Variants in MTCL2 observed in about 807,000 individuals in gnomAD.
MTCL2 encodes the protein microtubule cross-linking factor 2.
the MTCL2 span, chr20:36,863,379 T>C: frequency 8.7e-7 from 1 of 1,153,072 alleles, no homozygotes; most frequent in South Asian, 4.3e-5. This position sits in a 1 kb window ranked among gnomAD's most constrained non-coding sequence, Gnocchi z 6.2. Flanking sequence ...GCTGCGCGCA[T>C]GGCCCAGGCC....
chr20:36,787,743 G>T, the MTCL2 span, among the ~76,000 whole-genome samples: 1 of 150,802 alleles, frequency 6.6e-6, no homozygotes, highest in East Asian at 2.0e-4. Context: ...AAAATTAGCT[G>T]GGCATGGTGG....
the MTCL2 span, chr20:36,793,982 C>T: frequency 1.3e-6 from 2 of 1,551,540 alleles, no homozygotes; most frequent in African/African-American, 1.4e-5. The surrounding 1 kb of genome is among the most constrained non-coding windows in gnomAD (Gnocchi z 6.8). Flanking sequence ...GCTGGATGTG[C>T]TCTTCACTTT....
At chr20:36,815,193 G>A in the MTCL2 span, 2 of 1,613,856 alleles carry the variant, frequency 1.2e-6, no homozygotes. This position sits in a 1 kb window ranked among gnomAD's most constrained non-coding sequence, Gnocchi z 5.3. Flanking sequence ...GCCCAAGGGG[G>A]GCAGTGATGA....
the MTCL2 span, among the ~76,000 whole-genome samples, chr20:36,862,419 A>G: frequency 2.0e-5 from 3 of 151,342 alleles, no homozygotes; most frequent in African/African-American, 4.8e-5. Flanking sequence ...CCCCGCTCCC[A>G]GGTTAGGGCC....
chr20:36,808,538 G>T, the MTCL2 span: 7 of 1,603,858 alleles, frequency 4.4e-6, no homozygotes, highest in Admixed American at 6.9e-5. Context: ...CCCTTCGCTG[G>T]GCAAAACCTT....
the MTCL2 span, among the ~76,000 whole-genome samples, chr20:36,789,451 T>C: frequency 0.062 from 9,416 of 152,092 alleles, 1,013 homozygotes; most frequent in African/African-American, 0.21. Context: ...CACTTGAGAT[T>C]AGCAGTTCGA....
chr20:36,788,186 G>A, the MTCL2 span, among the ~76,000 whole-genome samples: 1 of 141,864 alleles, frequency 7.0e-6, no homozygotes, highest in Non-Finnish European at 1.5e-5. Context: ...GGGGGACAGA[G>A]TGAGACTCCA....
the MTCL2 span, chr20:36,839,448 A>G: frequency 1.5e-4 from 241 of 1,611,686 alleles, no homozygotes; most frequent in Middle Eastern, 6.6e-4. The surrounding 1 kb of genome is among the most constrained non-coding windows in gnomAD (Gnocchi z 5.1). Flanking sequence ...CGTCCTGCGG[A>G]GGGAAGGAAG....
At chr20:36,796,224 G>A in the MTCL2 span, among the ~76,000 whole-genome samples, 1 of 152,216 alleles carries the variant, frequency 6.6e-6, no homozygotes, top group Non-Finnish European at 1.5e-5. Flanking sequence ...AGACCACTCT[G>A]ATTAACTTCA....
At chr20:36,833,843 CTA>C in the MTCL2 span, among the ~76,000 whole-genome samples, 1 of 150,484 alleles carries the variant, frequency 6.6e-6, no homozygotes, top group Non-Finnish European at 1.5e-5. Flanking sequence ...CAAAGAGAGA[CTA>C]TGTTTCAAGA....
At chr20:36,848,853 T>C in the MTCL2 span, among the ~76,000 whole-genome samples, 4 of 152,088 alleles carry the variant, frequency 2.6e-5, no homozygotes, top group African/African-American at 9.7e-5. Flanking sequence ...GTAATATCTG[T>C]GACTTTGCCA....
the MTCL2 span, chr20:36,862,814 GT>G: frequency 7.3e-7 from 1 of 1,369,886 alleles, no homozygotes; most frequent in Non-Finnish European, 9.4e-7. Flanking sequence ...CCGACGGCTC[GT>G]CCGGGGAGGC....
chr20:36,815,621 G>T, the MTCL2 span: 3 of 1,601,190 alleles, frequency 1.9e-6, no homozygotes, highest in Non-Finnish European at 2.6e-6. The surrounding 1 kb of genome is among the most constrained non-coding windows in gnomAD (Gnocchi z 5.3). Context: ...TCTGGCAGGA[G>T]GCGAGGTCAC....
chr20:36,850,356 G>A, the MTCL2 span, among the ~76,000 whole-genome samples: 3 of 151,992 alleles, frequency 2.0e-5, no homozygotes, highest in Admixed American at 6.6e-5. Flanking sequence ...TGGCGAAACC[G>A]TCTCTATAAA....
the MTCL2 span, among the ~76,000 whole-genome samples, chr20:36,811,628 T>TAA: frequency 2.2e-5 from 3 of 138,364 alleles, no homozygotes; most frequent in African/African-American, 5.3e-5. Flanking sequence ...AGACTCAGTC[T>TAA]AAAAAAAAAA....
At chr20:36,841,874 G>GGGGGGTGT in the MTCL2 span, among the ~76,000 whole-genome samples, 30 of 110,868 alleles carry the variant, frequency 2.7e-4, 1 homozygote, top group African/African-American at 8.0e-4. Context: ...TGGGGGGTGG[G>GGGGGGTGT]GTGTGTGTGT....
chr20:36,786,567 C>T, the MTCL2 span: 12 of 1,550,916 alleles, frequency 7.7e-6, no homozygotes, highest in Middle Eastern at 1.7e-4. Flanking sequence ...AGGAGAGTGG[C>T]GGATGGCAGA....
chr20:36,804,580 C>T, the MTCL2 span, among the ~76,000 whole-genome samples: 1 of 152,166 alleles, frequency 6.6e-6, no homozygotes, highest in African/African-American at 2.4e-5. Flanking sequence ...TGCTGTGTGA[C>T]TTTAGGCAAG....
chr20:36,796,799 G>A, the MTCL2 span: 6 of 1,375,320 alleles, frequency 4.4e-6, no homozygotes, highest in East Asian at 4.6e-5. Context: ...GGTAGAGTGG[G>A]TGCAGGGCGC....
Sources: allele counts gnomAD v4.1 joint callset (sites outside exome capture counted in the v4.1 genomes callset), GRCh38; gene constraint gnomAD v4.1.1; non-coding constraint Gnocchi (gnomAD v3.1); transcripts MANE v1.5; gene names NCBI Gene and HGNC (gene_info 2026-07-23, HGNC 2026-07-21).